Variants in DCAF10 observed in about 807,000 individuals in gnomAD.
The protein encoded by DCAF10 is DDB1 and CUL4 associated factor 10.
Under a neutral mutation model 51.9 loss-of-function variants are expected in DCAF10, and 19 were observed. That is an observed-to-expected ratio of 0.37 (90% CI 0.26 to 0.54). DCAF10 has a LOEUF of 0.54. DCAF10 is among the 20% of genes least tolerant of loss of function. The probability of loss-of-function intolerance (pLI) is 0.87; values close to 1 mark genes in which losing one functional copy is unlikely to be tolerated. For synonymous variants in DCAF10, 291 were observed against 297.1 expected (o/e 0.98, Z 0.21); for missense variants, 510 against 730.6 (o/e 0.70, Z 3.48).
At chr9:37,810,245 GA>G (rs1167080130) in intron 1 of DCAF10, among the ~76,000 whole-genome samples, 1 of 152,062 alleles carries the variant, frequency 6.6e-6, no homozygotes, top group Non-Finnish European at 1.5e-5. Context: ...AAAAGCTAGA[GA>G]AAATATTAAA....
At chr9:37,806,975 G>A (rs1278085064) in intron 1 of DCAF10, among the ~76,000 whole-genome samples, 1 of 152,140 alleles carries the variant, frequency 6.6e-6, no homozygotes, top group Non-Finnish European at 1.5e-5. Flanking sequence ...CTCTCACCTG[G>A]ACTGAGGGAT....
intron 3 of DCAF10, among the ~76,000 whole-genome samples, chr9:37,849,182 TGTTACCACTACTGTTCATCA>T (rs1830562034): frequency 6.6e-6 from 1 of 152,174 alleles, no homozygotes; most frequent in Admixed American, 6.6e-5. Context: ...GCTTGCTCAC[TGTTACCACTACTGTTCATCA>T]GTGTCATGGG....
intron 3 of DCAF10, among the ~76,000 whole-genome samples, chr9:37,847,907 GTAAAATACATAGGAA>G: frequency 6.6e-6 from 1 of 152,130 alleles, no homozygotes; most frequent in Non-Finnish European, 1.5e-5. Context: ...ATCAAAAAGG[GTAAAATACATAGGAA>G]TAAAATTAAC....
rs1830535047 is a variant in DCAF10, at chr9:37,848,342, T to TA, written c.851+6059dup. On this transcript the variant is annotated intron_variant, in intron 3 of 6. Transcript: ENST00000377724. ...AAATATCCAGCAAGTGGTAAATAGA[T>TA]AAACAAAATGTGGTGGATGTATGCA... 2.0e-5 allele frequency among the ~76,000 whole-genome samples: 3 copies of TA among 152,234 alleles called. No homozygotes were observed. In the East Asian group the frequency reaches 5.8e-4, roughly 29 times the overall value.
At chr9:37,840,556 A>G (rs984468296) in intron 2 of DCAF10, among the ~76,000 whole-genome samples, 4 of 152,252 alleles carry the variant, frequency 2.6e-5, no homozygotes, top group Admixed American at 2.6e-4. Flanking sequence ...ACAGTTGTAC[A>G]ATGTGTTTGT....
At chr9:37,850,458 G>A (rs1830600652) in intron 3 of DCAF10, among the ~76,000 whole-genome samples, 1 of 152,052 alleles carries the variant, frequency 6.6e-6, no homozygotes, top group African/African-American at 2.4e-5. Flanking sequence ...AAGAAAGAAG[G>A]AAATTTTGTC....
At chr9:37,837,746 A>T (rs1374002203) in intron 2 of DCAF10, among the ~76,000 whole-genome samples, 2 of 151,788 alleles carry the variant, frequency 1.3e-5, no homozygotes, top group East Asian at 1.9e-4. Flanking sequence ...TGGAGTAGTT[A>T]TGACTTCTCA....
At chr9:37,850,527 C>T (rs1002191485) in intron 3 of DCAF10, among the ~76,000 whole-genome samples, 3 of 151,820 alleles carry the variant, frequency 2.0e-5, no homozygotes, top group African/African-American at 7.3e-5. Context: ...AAGCCAGGCT[C>T]AGAAAGACAA....
rs1022187742 is a variant in DCAF10, at chr9:37,829,804, C to T, written c.653+10403C>T. 3.3e-5 allele frequency among the ~76,000 whole-genome samples: 5 copies of T among 152,004 alleles called. No homozygotes were observed. Among genetic ancestry groups the T allele is most frequent in the Non-Finnish European group, 5.9e-5 (4 of 68,014 alleles). ...GGACAATCACTGGAGGGCAGGAGTT[C>T]AAGACTAGCCTGGGCAACACAGTGA... is the stretch of plus-strand genomic sequence containing the variant. On this transcript the variant is annotated intron_variant, in intron 2 of 6. Transcript: ENST00000377724. The surrounding 1 kb of genome is among the most constrained non-coding windows in gnomAD (Gnocchi z 4.2).
At chr9:37,833,074 G>A (rs1375276796) in intron 2 of DCAF10, among the ~76,000 whole-genome samples, 3 of 151,982 alleles carry the variant, frequency 2.0e-5, no homozygotes, top group Non-Finnish European at 2.9e-5. Context: ...CTATGTTGCC[G>A]GGGCTGGTCT....
chr9:37,831,177 A>T (rs1829996394), intron 2 of DCAF10, among the ~76,000 whole-genome samples: 1 of 152,202 alleles, frequency 6.6e-6, no homozygotes, highest in South Asian at 2.1e-4. Context: ...AGATCGCGCC[A>T]CTGCACTCCA....
At chr9:37,800,690 C>T (rs915837743), upstream of DCAF10, 47 of 1,535,944 alleles carry the variant, frequency 3.1e-5, no homozygotes, top group Non-Finnish European at 3.8e-5. Flanking sequence ...ACTGCGGCGC[C>T]CCAAACCCGG....
chr9:37,857,394 A>T, intron 5 of DCAF10, 43 bp downstream of exon 5: 1 of 1,384,410 alleles, frequency 7.2e-7, no homozygotes. Context: ...ACAACAGATT[A>T]TGCCAATCTG....
At chr9:37,808,747 C>T (rs60674279) in intron 1 of DCAF10, among the ~76,000 whole-genome samples, 2 of 4,666 alleles carry the variant, frequency 4.3e-4, no homozygotes, top group African/African-American at 5.4e-4. Context: ...TATAAAAATA[C>T]ATACATAAAA....
At chr9:37,849,847 T>A (rs143050501) in intron 3 of DCAF10, among the ~76,000 whole-genome samples, 44 of 152,078 alleles carry the variant, frequency 2.9e-4, no homozygotes, top group African/African-American at 9.9e-4. Flanking sequence ...ACCACTGCAT[T>A]CCAGCCTGGG....
intron 1 of DCAF10, among the ~76,000 whole-genome samples, chr9:37,805,376 T>C (rs1829080821): frequency 6.6e-6 from 1 of 151,966 alleles, no homozygotes; most frequent in Non-Finnish European, 1.5e-5. Context: ...CTCAGCTACT[T>C]GGGAGGCTGA....
intron 2 of DCAF10, among the ~76,000 whole-genome samples, chr9:37,821,674 T>A (rs918589050): frequency 6.6e-6 from 1 of 151,708 alleles, no homozygotes; most frequent in East Asian, 1.9e-4. Context: ...GAAACTATAA[T>A]AAAAAAAACC....
chr9:37,839,266 C>T (rs528836036), intron 2 of DCAF10, among the ~76,000 whole-genome samples: 127 of 152,016 alleles, frequency 8.4e-4, no homozygotes, highest in Admixed American at 1.9e-3. Context: ...TTCACCATCT[C>T]GGCCAGGCTG....
In DCAF10 at chr9:37,861,692, GT is replaced by G; in HGVS notation, c.*186del. ...TCCAGCATCATACAGGCATCTCCAAGTTAGACTCTATGCAGCATCATCTTTT... is the reference window on the plus strand; with the variant it reads ...TCCAGCATCATACAGGCATCTCCAAGTAGACTCTATGCAGCATCATCTTTT... On this transcript the variant is annotated 3_prime_UTR_variant, in exon 7 of 7. Transcript: ENST00000377724. This position sits in a 1 kb window ranked among gnomAD's most constrained non-coding sequence, Gnocchi z 4.9. The G allele has an allele frequency of 1.4e-6, 1 of 725,034 alleles. No individual in the cohort carries two copies. Among genetic ancestry groups the G allele is most frequent in the Non-Finnish European group, 2.2e-6 (1 of 460,150 alleles). 44.9% of individuals were successfully genotyped at this position (725,034 alleles called of 1,614,324 possible). A position where few individuals can be genotyped will look rare whatever the true frequency, so the allele number is the denominator to read the frequency against.
Sources: gnomAD v4.1 joint callset for allele counts (sites outside exome capture counted in the v4.1 genomes callset) on GRCh38, gnomAD v4.1.1 for gene constraint, Gnocchi (gnomAD v3.1) non-coding constraint, MANE v1.5 for transcripts, NCBI Gene and HGNC (gene_info 2026-07-23, HGNC 2026-07-21) for gene names.